MCM10: variants seen among roughly 807,000 people sequenced by gnomAD.
MCM10 encodes protein MCM10 homolog.
In MCM10, 91 loss-of-function variants were observed where a neutral mutation model predicts 109.9. That is an observed-to-expected ratio of 0.83 (90% confidence interval 0.70 to 0.99). The LOEUF (loss-of-function observed/expected upper bound fraction) is 0.99. Among genes scored for constraint, MCM10 ranks in the 50% least tolerant of loss-of-function variants. The pLI, the probability that MCM10 is intolerant of heterozygous loss-of-function variation, is 0.00. For synonymous variants in MCM10, 380 were observed against 387.2 expected (o/e 0.98, Z 0.22); for missense variants, 1,077 against 1,061.2 (o/e 1.01, Z -0.21).
At chr10:13,206,524 C>A (rs1273741468) in intron 18 of MCM10, among the ~76,000 whole-genome samples, 1 of 152,154 alleles carries the variant, frequency 6.6e-6, no homozygotes, top group Non-Finnish European at 1.5e-5. Flanking sequence ...GGAAGCCGGG[C>A]TAGTTCATCA....
At chr10:13,197,916 G>T in intron 15 of MCM10, 149 bp downstream of exon 15, 5 of 605,668 alleles carry the variant, frequency 8.3e-6, no homozygotes, top group Middle Eastern at 4.0e-4. Flanking sequence ...GGGTGGAACT[G>T]ATTTTTTTTT....
chr10:13,171,199 A>G lies in MCM10; in HGVS notation c.285A>G (p.Ser95=). Residue 95 remains serine, a synonymous_variant, in exon 3 of 20, where the codon TCA becomes TCG. Coordinates refer to ENST00000378714, the MANE Select transcript of MCM10 (RefSeq NM_018518.5). ...TDEEEVPASQ[S]TENRVLPAPA... is the part of the protein sequence containing the mutation. Reference sequence around the variant, plus strand: ...AAGAAGAAGTTCCCGCATCACAGTCAACTGAAAATAGGGTCCTCCCTGCTC... The same window carrying G: ...AAGAAGAAGTTCCCGCATCACAGTCGACTGAAAATAGGGTCCTCCCTGCTC... 6.2e-7 allele frequency: 1 copy of G among 1,614,200 alleles called. No homozygotes were observed. Among genetic ancestry groups the G allele is most frequent in the South Asian group, 1.1e-5 (1 of 91,086 alleles).
intron 2 of MCM10, among the ~76,000 whole-genome samples, chr10:13,168,912 C>T (rs1588465181): frequency 6.6e-6 from 1 of 152,164 alleles, no homozygotes; most frequent in African/African-American, 2.4e-5. Context: ...AAGCAGCCCC[C>T]AAGTAATTTC....
intron 5 of MCM10, among the ~76,000 whole-genome samples, chr10:13,173,860 G>GCC (rs1032868138): frequency 2.0e-5 from 3 of 152,172 alleles, no homozygotes; most frequent in African/African-American, 7.2e-5. Flanking sequence ...GGTCACCCTG[G>GCC]CCCCCAGTGT....
At chr10:13,185,379 G>A (rs1254339470) in intron 8 of MCM10, among the ~76,000 whole-genome samples, 1 of 152,180 alleles carries the variant, frequency 6.6e-6, no homozygotes, top group South Asian at 2.1e-4. Context: ...CAAACAAGAA[G>A]GGAGAGAGCT....
chr10:13,201,859 G>A (rs1282349337), intron 17 of MCM10: 7 of 263,608 alleles, frequency 2.7e-5, no homozygotes, highest in Admixed American at 9.8e-5. Flanking sequence ...GCGTATCCTC[G>A]CTCAGCGTTC....
intron 15 of MCM10, among the ~76,000 whole-genome samples, chr10:13,198,100 G>T (rs748010519): frequency 7.9e-5 from 12 of 152,028 alleles, no homozygotes; most frequent in Non-Finnish European, 1.6e-4. Flanking sequence ...TTTTAGTATA[G>T]ATGGGGTTTC....
Position 13,178,330 on chromosome 10 carries a change from C to G in MCM10, c.765-2112C>G, listed in dbSNP as rs917283564. Among the ~76,000 whole-genome samples, 4 of 152,338 alleles carry G rather than the reference C, an allele frequency of 2.6e-5. No individual in the cohort carries two copies. In the South Asian group the frequency reaches 6.2e-4, roughly 24 times the overall value. On this transcript the variant is annotated intron_variant, in intron 6 of 19. Coordinates refer to ENST00000378714, the MANE Select transcript of MCM10 (RefSeq NM_018518.5). ...TCTCAAACTCCTGACCTCAGGTGAT[C>G]CACCTGCCTCGGCCTCCCAAAGTGC...
At chr10:13,206,653 A>C (rs2131592111) in intron 18 of MCM10, among the ~76,000 whole-genome samples, 1 of 152,318 alleles carries the variant, frequency 6.6e-6, no homozygotes, top group African/African-American at 2.4e-5. Context: ...TCATTATAGC[A>C]AGAGCTTATG....
chr10:13,171,404 T>C, intron 3 of MCM10, 141 bp downstream of exon 3: 1 of 813,448 alleles, frequency 1.2e-6, no homozygotes, highest in Non-Finnish European at 1.9e-6. Context: ...GAAAGAAAAT[T>C]ATATGAGTTG....
At chr10:13,171,470 C>G (rs1391137767) in intron 3 of MCM10, among the ~76,000 whole-genome samples, 3 of 152,196 alleles carry the variant, frequency 2.0e-5, no homozygotes, top group African/African-American at 4.8e-5. Context: ...CTATCAGTGT[C>G]AGCCAGCTGC....
At chr10:13,199,821 C>T (rs1178289008) in intron 16 of MCM10, among the ~76,000 whole-genome samples, 1 of 152,006 alleles carries the variant, frequency 6.6e-6, no homozygotes, top group Non-Finnish European at 1.5e-5. Flanking sequence ...ATAGCATGGA[C>T]CTATTTCTTT....
chr10:13,172,766 G>T lies in MCM10; in HGVS notation c.592+1G>T, dbSNP rs770113124. On this transcript the variant is annotated splice_donor_variant, in intron 5 of 19. Transcript: ENST00000378714. LOFTEE classifies it high-confidence loss of function. The surrounding 1 kb of genome is among the most constrained non-coding windows in gnomAD (Gnocchi z 5.2). The stretch of plus-strand genomic sequence containing the variant: ...CGAACACCAAAGGCTTCACCTCCAG[G>T]TGTAGTACTTGCGGTCTCAGTATCT... The T allele has an allele frequency of 6.2e-7, 1 of 1,614,040 alleles. No individual in the cohort carries two copies. The highest frequency in any genetic ancestry group is 8.5e-7 in the Non-Finnish European group (1 of 1,180,002).
Position 13,182,910 on chromosome 10 carries a change from T to TA in MCM10, c.931-17dup, listed in dbSNP as rs753370553. 2 of 1,598,102 alleles carry TA rather than the reference T, an allele frequency of 1.3e-6. No individual in the cohort carries two copies. Among genetic ancestry groups the TA allele is most frequent in the South Asian group, 2.2e-5 (2 of 89,734 alleles). The stretch of plus-strand genomic sequence containing the variant: ...CGGCATAACCTACAGTTCAAAATTA[T>TA]AAAAAATAACTATTTGTTCCAGGGA... On this transcript the variant is annotated intron_variant, in intron 7 of 19. Coordinates refer to ENST00000378714, the MANE Select transcript of MCM10 (RefSeq NM_018518.5). This position sits in a 1 kb window ranked among gnomAD's most constrained non-coding sequence, Gnocchi z 4.2.
chr10:13,199,026 G>T (rs1172921374), intron 16 of MCM10, among the ~76,000 whole-genome samples: 1 of 152,174 alleles, frequency 6.6e-6, no homozygotes, highest in Non-Finnish European at 1.5e-5. Flanking sequence ...CTCCCAAGTA[G>T]CTGGGATTAC....
At chr10:13,168,344 G>C (rs576543739) in intron 2 of MCM10, among the ~76,000 whole-genome samples, 54 of 152,314 alleles carry the variant, frequency 3.5e-4, no homozygotes, top group African/African-American at 1.3e-3. Flanking sequence ...TCAGATTCTA[G>C]GCCTGAAGTT....
In MCM10 at chr10:13,209,559, T is replaced by C. The variant is rs1202491455; in HGVS notation, c.*249T>C. 1 of 526,644 alleles carries C rather than the reference T, an allele frequency of 1.9e-6. No homozygotes were observed. Among genetic ancestry groups the C allele is most frequent in the Non-Finnish European group, 3.4e-6 (1 of 296,512 alleles). The allele number at this position is 526,644 out of a possible 1,614,324, so 32.6% of individuals were successfully genotyped here. The stretch of plus-strand genomic sequence containing the variant: ...AGCTCAGTGTGGATGATTGCATTAC[T>C]TCATTCACTGAAGTTTTTGCCCAAA... On this transcript the variant is annotated 3_prime_UTR_variant, in exon 20 of 20. Transcript: ENST00000378714.
chr10:13,171,515 C>T (rs1288616422), intron 3 of MCM10, among the ~76,000 whole-genome samples: 1 of 152,182 alleles, frequency 6.6e-6, no homozygotes, highest in Non-Finnish European at 1.5e-5. Flanking sequence ...TGAAACTTTT[C>T]ATATTTCTTA....
At chr10:13,206,578 T>C (rs1834583888) in intron 18 of MCM10, among the ~76,000 whole-genome samples, 1 of 152,226 alleles carries the variant, frequency 6.6e-6, no homozygotes, top group African/African-American at 2.4e-5. Flanking sequence ...ATCTAGATTA[T>C]AATTTTTAAG....
Sources: gnomAD v4.1 joint callset for allele counts (sites outside exome capture counted in the v4.1 genomes callset) on GRCh38, gnomAD v4.1.1 for gene constraint, Gnocchi (gnomAD v3.1) non-coding constraint, MANE v1.5 for transcripts, NCBI Gene and HGNC (gene_info 2026-07-23, HGNC 2026-07-21) for gene names.